The following CSMD1 variants were observed in gnomAD, a reference collection of about 807,000 sequenced individuals.
CSMD1 encodes the protein CUB and Sushi multiple domains 1, also known as CUB and sushi domain-containing protein 1.
In CSMD1, 213 loss-of-function variants were observed where a neutral mutation model predicts 417.5. That is an observed-to-expected ratio of 0.51 (90% confidence interval 0.46 to 0.57). CSMD1 has a LOEUF of 0.57. Ranked by LOEUF, CSMD1 falls within the 20% of genes least tolerant of loss-of-function variation. The probability of loss-of-function intolerance (pLI) is 0.00; values close to 1 mark genes in which losing one functional copy is unlikely to be tolerated. For missense variants in CSMD1, 6,923 were observed against 4,529.7 expected (o/e 1.53, Z -15.17); for synonymous variants, 2,862 against 1,736.8 (o/e 1.65, Z -16.11).
At chr8:3,950,354 A>G (rs1289628666) in intron 5 of CSMD1, among the ~76,000 whole-genome samples, 1 of 152,208 alleles carries the variant, frequency 6.6e-6, no homozygotes. Context: ...TGGTCTGCAT[A>G]AAGTTTAAGA....
chr8:4,597,361 A>G (rs1222482545), intron 2 of CSMD1, among the ~76,000 whole-genome samples: 2 of 152,138 alleles, frequency 1.3e-5, no homozygotes, highest in Non-Finnish European at 2.9e-5. Flanking sequence ...CATTTCACAG[A>G]CCTAAAGTAG....
intron 23 of CSMD1, among the ~76,000 whole-genome samples, chr8:3,313,151 A>G (rs1805482017): frequency 6.6e-6 from 1 of 152,246 alleles, no homozygotes; most frequent in East Asian, 1.9e-4. Context: ...TGTTAGACCT[A>G]AAACCATAAA....
chr8:4,230,874 A>G (rs1207040888), intron 3 of CSMD1, among the ~76,000 whole-genome samples: 1 of 152,130 alleles, frequency 6.6e-6, no homozygotes, highest in Non-Finnish European at 1.5e-5. Context: ...CTTTAACGGC[A>G]CTAACTTGAG....
intron 21 of CSMD1, among the ~76,000 whole-genome samples, chr8:3,349,133 T>A (rs570847978): frequency 6.6e-6 from 1 of 152,312 alleles, no homozygotes; most frequent in South Asian, 2.1e-4. Context: ...ATTGTCAGGT[T>A]GGAAACCAAG....
intron 5 of CSMD1, among the ~76,000 whole-genome samples, chr8:3,991,591 A>C (rs1028124763): frequency 6.6e-6 from 1 of 152,178 alleles, no homozygotes; most frequent in East Asian, 1.9e-4. Flanking sequence ...GCTAGTGATG[A>C]CTCCACCACA....
intron 3 of CSMD1, among the ~76,000 whole-genome samples, chr8:4,237,923 T>A (rs1025469833): frequency 2.6e-5 from 4 of 152,166 alleles, no homozygotes; most frequent in African/African-American, 9.7e-5. Flanking sequence ...GAAGCTTTCC[T>A]CTCACTGGCG....
intron 19 of CSMD1, 61 bp downstream of exon 19, chr8:3,369,193 G>C: frequency 6.3e-6 from 5 of 791,992 alleles, no homozygotes; most frequent in African/African-American, 1.7e-5. Flanking sequence ...TTTTTGTTTT[G>C]TTCCCGTTTT....
At chr8:4,792,564 A>C (rs776974783) in intron 1 of CSMD1, among the ~76,000 whole-genome samples, 5 of 152,178 alleles carry the variant, frequency 3.3e-5, no homozygotes, top group Non-Finnish European at 5.9e-5. Flanking sequence ...ACCACACTCA[A>C]CAGTTGTCAG....
chr8:4,505,601 G>T (rs1230770), intron 2 of CSMD1, among the ~76,000 whole-genome samples: 10 of 151,942 alleles, frequency 6.6e-5, no homozygotes, highest in African/African-American at 2.2e-4. Flanking sequence ...TTAGCCTTGT[G>T]CTTTTCAGAG....
At chr8:3,618,834 G>C (rs1269914209) in intron 7 of CSMD1, among the ~76,000 whole-genome samples, 1 of 152,198 alleles carries the variant, frequency 6.6e-6, no homozygotes, top group Non-Finnish European at 1.5e-5. Flanking sequence ...GCACAGTGCA[G>C]TTGAGAGGAA....
chr8:3,605,564 G>C (rs924054219), intron 8 of CSMD1, among the ~76,000 whole-genome samples: 2 of 152,250 alleles, frequency 1.3e-5, no homozygotes, highest in East Asian at 1.9e-4. Flanking sequence ...ATTTGTTTCT[G>C]CTTCTTATTA....
intron 5 of CSMD1, among the ~76,000 whole-genome samples, chr8:3,951,168 A>G (rs1394828149): frequency 6.6e-6 from 1 of 152,210 alleles, no homozygotes; most frequent in Non-Finnish European, 1.5e-5. Flanking sequence ...AGAAGTTTTG[A>G]AGCAAATTCC....
chr8:3,317,510 T>G (rs1410694486), intron 23 of CSMD1, among the ~76,000 whole-genome samples: 1 of 152,308 alleles, frequency 6.6e-6, no homozygotes, highest in Non-Finnish European at 1.5e-5. Flanking sequence ...AATTAAGTGT[T>G]TGTTTTGTTG....
At chr8:4,022,987 A>C (rs1023945276) in intron 4 of CSMD1, among the ~76,000 whole-genome samples, 1 of 152,230 alleles carries the variant, frequency 6.6e-6, no homozygotes, top group Non-Finnish European at 1.5e-5. Flanking sequence ...AGTATGGCAA[A>C]GATGGGACAG....
chr8:3,396,618 G>A (rs1368131322), intron 16 of CSMD1, among the ~76,000 whole-genome samples: 2 of 152,010 alleles, frequency 1.3e-5, no homozygotes, highest in East Asian at 3.9e-4. Flanking sequence ...CAATATTACA[G>A]ACACAAGAGG....
At chr8:3,684,644 C>A (rs895203431) in intron 7 of CSMD1, among the ~76,000 whole-genome samples, 1 of 144,712 alleles carries the variant, frequency 6.9e-6, no homozygotes, top group East Asian at 2.0e-4. Flanking sequence ...CTCGCCCAGG[C>A]TGGAGTGCAG....
intron 6 of CSMD1, among the ~76,000 whole-genome samples, chr8:3,711,546 C>A (rs541300388): frequency 5.9e-5 from 9 of 152,298 alleles, no homozygotes; most frequent in Non-Finnish European, 8.8e-5. Context: ...CGGCACCTGG[C>A]GTCTTCCTCC....
At chr8:3,474,815 C>T (rs1178842571) in intron 11 of CSMD1, among the ~76,000 whole-genome samples, 1 of 152,038 alleles carries the variant, frequency 6.6e-6, no homozygotes, top group Non-Finnish European at 1.5e-5. Flanking sequence ...CAATTTTTCC[C>T]CAAGTTGACT....
At chr8:3,934,619 C>A (rs1584992829) in intron 5 of CSMD1, among the ~76,000 whole-genome samples, 1 of 152,050 alleles carries the variant, frequency 6.6e-6, no homozygotes, top group Non-Finnish European at 1.5e-5. Context: ...CTTTGGCAGG[C>A]CAAGGAGGTA....
Sources: gnomAD v4.1 joint callset for allele counts (sites outside exome capture counted in the v4.1 genomes callset) on GRCh38, gnomAD v4.1.1 for gene constraint, MANE v1.5 for transcripts, NCBI Gene and HGNC (gene_info 2026-07-23, HGNC 2026-07-21) for gene names.